DTNB: variants seen among roughly 807,000 people sequenced by gnomAD.
The protein encoded by DTNB is dystrobrevin beta.
DTNB carries 63 observed loss-of-function variants against 90.7 expected under a neutral mutation model. The ratio of observed to expected loss-of-function variants is 0.69; its 90% CI spans 0.57 to 0.86. The LOEUF (loss-of-function observed/expected upper bound fraction) is 0.86. Ranked by LOEUF, DTNB falls within the 40% of genes least tolerant of loss-of-function variation. The probability of loss-of-function intolerance (pLI) is 0.00; values close to 1 mark genes in which losing one functional copy is unlikely to be tolerated. For missense variants in DTNB, 744 were observed against 807.1 expected, an observed-to-expected ratio of 0.92 and a Z score of 0.95; for synonymous variants, 277 against 286.7, an observed-to-expected ratio of 0.97 and a Z score of 0.34.
chr2:25,665,353 G>A (rs746883674), intron 1 of DTNB, among the ~76,000 whole-genome samples: 1 of 152,192 alleles, frequency 6.6e-6, no homozygotes, highest in African/African-American at 2.4e-5. Context: ...GGGGCCAGGC[G>A]CGGTGGCTCA....
chr2:25,522,063 G>C (rs1158768553), intron 9 of DTNB, among the ~76,000 whole-genome samples: 2 of 152,116 alleles, frequency 1.3e-5, no homozygotes, highest in Non-Finnish European at 2.9e-5. Context: ...GCTTGAATTC[G>C]GATCACAGGA....
chr2:25,482,999 GGGA>G, intron 9 of DTNB, 126 bp from the exon 10 acceptor site: 2 of 960,514 alleles, frequency 2.1e-6, no homozygotes, highest in East Asian at 3.2e-5. Context: ...CGGACCCATG[GGGA>G]GGGGGGGGAC....
chr2:25,638,547 C>T (rs1373897977), intron 3 of DTNB, among the ~76,000 whole-genome samples: 5 of 152,158 alleles, frequency 3.3e-5, no homozygotes, highest in Non-Finnish European at 7.3e-5. Flanking sequence ...CACAGACATA[C>T]ATATACATAT....
At chr2:25,497,503 C>G (rs1336639405) in intron 9 of DTNB, 1 of 152,128 alleles carries the variant, frequency 6.6e-6, no homozygotes, top group Non-Finnish European at 1.5e-5. Flanking sequence ...GTAGGGAGAA[C>G]CAGTAAGGCT....
chr2:25,383,646 G>C (rs1368123210), intron 19 of DTNB, 190 bp downstream of exon 19: 3 of 1,241,618 alleles, frequency 2.4e-6, no homozygotes, highest in South Asian at 1.5e-5. Context: ...AGCTCTTGGT[G>C]ATCGACTGAC....
chr2:25,437,887 T>C (rs920887968), intron 12 of DTNB, among the ~76,000 whole-genome samples: 1 of 152,044 alleles, frequency 6.6e-6, no homozygotes, highest in Non-Finnish European at 1.5e-5. Flanking sequence ...CAGATTACAC[T>C]GGGAGAAAAA....
At chr2:25,588,423 T>C (rs914914599) in intron 6 of DTNB, among the ~76,000 whole-genome samples, 1 of 151,920 alleles carries the variant, frequency 6.6e-6, no homozygotes, top group Non-Finnish European at 1.5e-5. Flanking sequence ...TGGAGTGCAG[T>C]GGCATGATCT....
At chr2:25,444,128 A>G (rs1264469494) in intron 12 of DTNB, among the ~76,000 whole-genome samples, 1 of 152,234 alleles carries the variant, frequency 6.6e-6, no homozygotes, top group Non-Finnish European at 1.5e-5. Flanking sequence ...AAAAACCCTT[A>G]AAGGTAAACA....
chr2:25,385,303 T>A (rs1415408410), intron 18 of DTNB, among the ~76,000 whole-genome samples: 7 of 152,234 alleles, frequency 4.6e-5, no homozygotes, highest in Non-Finnish European at 1.0e-4. Context: ...AATCTGAGTA[T>A]GTCCTCTCAT....
intron 4 of DTNB, among the ~76,000 whole-genome samples, chr2:25,620,423 T>A (rs1470840240): frequency 6.6e-6 from 1 of 152,112 alleles, no homozygotes; most frequent in Non-Finnish European, 1.5e-5. Flanking sequence ...TGTTACTACT[T>A]CTCTCTGTTT....
intron 9 of DTNB, among the ~76,000 whole-genome samples, chr2:25,517,944 T>C (rs1417210294): frequency 1.3e-5 from 2 of 152,206 alleles, no homozygotes; most frequent in East Asian, 3.8e-4. Context: ...GGCATTATAC[T>C]AAGTGAAATA....
rs150478808 is a variant in DTNB at position 25,551,253 on chromosome 2, T to C, written c.877-19656A>G. Among the ~76,000 whole-genome samples the C allele has an allele frequency of 2.1e-3, 313 of 152,356 alleles. 2 individuals carry two copies. Among genetic ancestry groups the C allele is most frequent in the African/African-American group, 7.2e-3 (301 of 41,578 alleles). On this transcript the variant is annotated intron_variant, in intron 8 of 20. Coordinates refer to ENST00000406818, the MANE Select transcript of DTNB (RefSeq NM_021907.5). Reference sequence around the variant, plus strand: ...TGATTTCTGCTTGTTTTAATGCGCATGAAAGTCTATCCTTGGTCTTCTAAG... The same window carrying C: ...TGATTTCTGCTTGTTTTAATGCGCACGAAAGTCTATCCTTGGTCTTCTAAG...
intron 9 of DTNB, among the ~76,000 whole-genome samples, chr2:25,507,510 T>A (rs1208149302): frequency 6.6e-6 from 1 of 152,158 alleles, no homozygotes; most frequent in Non-Finnish European, 1.5e-5. Context: ...AACTGACCTC[T>A]CCTTCTCACT....
At chr2:25,647,591 C>A (rs2079773267) in intron 2 of DTNB, among the ~76,000 whole-genome samples, 1 of 152,072 alleles carries the variant, frequency 6.6e-6, no homozygotes, top group Non-Finnish European at 1.5e-5. Context: ...AAAAGATACT[C>A]CAGCCAGGTG....
Position 25,672,085 on chromosome 2 carries a change from A to C in DTNB, c.-2+1301T>G, listed in dbSNP as rs78713197. On this transcript the variant is annotated intron_variant, in intron 1 of 20. Transcript: ENST00000406818. ...CAACAGGCCAAGGAGCAAGCTCTTGAAGGCCAACATGAAAGACACATGGGA... is the reference window on the plus strand; with the variant it reads ...CAACAGGCCAAGGAGCAAGCTCTTGCAGGCCAACATGAAAGACACATGGGA... Among the ~76,000 whole-genome samples the C allele has an allele frequency of 4.3e-4, 66 of 152,264 alleles. 1 individual carries two copies. In the East Asian group the frequency reaches 0.012, roughly 29 times the overall value.
At chr2:25,478,519 C>G (rs1483919559) in intron 10 of DTNB, among the ~76,000 whole-genome samples, 1 of 151,826 alleles carries the variant, frequency 6.6e-6, no homozygotes, top group Non-Finnish European at 1.5e-5. Context: ...ATCTCTCTCT[C>G]TTCTTCTTCT....
rs564100481 is a variant in DTNB at position 25,568,026 on chromosome 2, T to C, written c.876+8812A>G. On this transcript the variant is annotated intron_variant, in intron 8 of 20. Coordinates refer to ENST00000406818, the MANE Select transcript of DTNB (RefSeq NM_021907.5). ...ACACAAAAATTAGCTGGCATGGTGG[T>C]ACGCGCCTGTAGTCCCAGCTACTTG... Among the ~76,000 whole-genome samples the C allele has an allele frequency of 2.0e-5, 3 of 152,074 alleles. No individual in the cohort carries two copies. In the South Asian group the frequency reaches 6.2e-4, roughly 32 times the overall value.
chr2:25,640,481 A>G (rs940616557), intron 2 of DTNB, among the ~76,000 whole-genome samples: 2 of 152,184 alleles, frequency 1.3e-5, no homozygotes, highest in African/African-American at 4.8e-5. Flanking sequence ...TCTGACTTCA[A>G]TCAACCTTCC....
chr2:25,552,942 G>C (rs2056612997), intron 8 of DTNB, among the ~76,000 whole-genome samples: 1 of 132,472 alleles, frequency 7.5e-6, no homozygotes, highest in Non-Finnish European at 1.5e-5. Context: ...CTCACTGCAA[G>C]CTCCGCTTCC....
Sources: gnomAD v4.1 joint callset for allele counts (sites outside exome capture counted in the v4.1 genomes callset) on GRCh38, gnomAD v4.1.1 for gene constraint, MANE v1.5 for transcripts, NCBI Gene and HGNC (gene_info 2026-07-23, HGNC 2026-07-21) for gene names.